Variants in WDR25 observed in about 807,000 individuals in gnomAD.
WDR25 encodes the protein WD repeat-containing protein 25.
Under a neutral mutation model 47.7 loss-of-function variants are expected in WDR25, and 35 were observed. The observed-to-expected ratio is 0.73, with a 90% confidence interval of 0.56 to 0.97. The LOEUF is 0.97. Among genes scored for constraint, WDR25 ranks in the 50% least tolerant of loss-of-function variants. The pLI is 0.00. For missense variants in WDR25, 634 were observed against 704.7 expected, an observed-to-expected ratio of 0.90 and a Z score of 1.14; for synonymous variants, 248 against 278.9, an observed-to-expected ratio of 0.89 and a Z score of 1.10.
chr14:100,458,365 G>A (rs1261021037), intron 2 of WDR25, among the ~76,000 whole-genome samples: 1 of 152,012 alleles, frequency 6.6e-6, no homozygotes, highest in Admixed American at 6.5e-5. Flanking sequence ...AACATTAGGT[G>A]CATAAATATT....
rs767972981 is a variant in WDR25, at chr14:100,468,167, A to C, written c.969A>C (p.Thr323=). 1 of 1,611,024 alleles carries C rather than the reference A, an allele frequency of 6.2e-7. No individual in the cohort carries two copies. Among genetic ancestry groups the C allele is most frequent in the Non-Finnish European group, 8.5e-7 (1 of 1,178,676 alleles). ...CGCTGCACCTAACAGACCTTGAAACAGGTGCGTTTCTTGTGTCACCTCCCT... is the reference window on the plus strand; with the variant it reads ...CGCTGCACCTAACAGACCTTGAAACCGGTGCGTTTCTTGTGTCACCTCCCT... ...DFALHLTDLE[T]GTQLFSGRSD... Residue 323 remains threonine, a splice_region_variant and synonymous_variant, in exon 3 of 7, where the codon ACA becomes ACC. Transcript: ENST00000402312. This position sits in a 1 kb window ranked among gnomAD's most constrained non-coding sequence, Gnocchi z 4.5.
rs751625327 is a variant in WDR25, at chr14:100,381,673, A to G, written c.749A>G (p.Asn250Ser). The G allele has an allele frequency of 3.1e-6, 5 of 1,614,210 alleles. No homozygotes were observed. In the Admixed American group the frequency reaches 8.3e-5, roughly 27 times the overall value. ...FHLRGHRGPV[N>S]TIQWCPVLSK... ...CTGAGAGGCCACAGGGGCCCTGTCAACACCATTCAGTGGTGTCCAGTCCTT... is the reference window on the plus strand; with the variant it reads ...CTGAGAGGCCACAGGGGCCCTGTCAGCACCATTCAGTGGTGTCCAGTCCTT... Residue 250 changes from asparagine to serine, a missense_variant, in exon 2 of 7, where the codon AAC becomes AGC. Asn to Ser is a conservative substitution (Grantham distance 46). Transcript: ENST00000402312.
intron 2 of WDR25, among the ~76,000 whole-genome samples, chr14:100,401,762 C>T (rs1377966658): frequency 6.6e-6 from 1 of 152,202 alleles, no homozygotes; most frequent in Non-Finnish European, 1.5e-5. Context: ...GACACTTCAT[C>T]CCCTGGAACT....
chr14:100,480,511 T>G (rs1900164289), intron 3 of WDR25, among the ~76,000 whole-genome samples: 1 of 152,234 alleles, frequency 6.6e-6, no homozygotes, highest in South Asian at 2.1e-4. Context: ...ATGGCAAATG[T>G]GATGCTTGAA....
chr14:100,419,137 G>A (rs573816946), intron 2 of WDR25, among the ~76,000 whole-genome samples: 169 of 150,682 alleles, frequency 1.1e-3, no homozygotes, highest in Middle Eastern at 3.4e-3. Flanking sequence ...CAGGACAATT[G>A]CTTGAACTCT....
chr14:100,418,193 C>A (rs989166915), intron 2 of WDR25, among the ~76,000 whole-genome samples: 1 of 151,516 alleles, frequency 6.6e-6, no homozygotes, highest in African/African-American at 2.4e-5. Context: ...ACACCCCCCA[C>A]TCAGCCTCCC....
chr14:100,483,111 G>A (rs536754697), intron 3 of WDR25, among the ~76,000 whole-genome samples: 1 of 152,328 alleles, frequency 6.6e-6, no homozygotes, highest in South Asian at 2.1e-4. Context: ...TGGATGAGGT[G>A]TGGACAGACA....
intron 1 of WDR25, among the ~76,000 whole-genome samples, chr14:100,377,413 C>T (rs1206523157): frequency 1.3e-5 from 2 of 152,160 alleles, no homozygotes; most frequent in East Asian, 3.8e-4. Flanking sequence ...AATTCTGCGG[C>T]CTCAGCCTCC....
At chr14:100,382,608 A>G (rs920829289) in intron 2 of WDR25, among the ~76,000 whole-genome samples, 3 of 152,218 alleles carry the variant, frequency 2.0e-5, no homozygotes, top group African/African-American at 7.2e-5. Flanking sequence ...ACAGTGTGAT[A>G]GGTCGTTGTG....
chr14:100,427,700 G>A (rs1308233751), intron 2 of WDR25, among the ~76,000 whole-genome samples: 3 of 152,266 alleles, frequency 2.0e-5, no homozygotes, highest in Non-Finnish European at 4.4e-5. Context: ...AATAGAGCTT[G>A]TTTTAAGGTA....
intron 2 of WDR25, among the ~76,000 whole-genome samples, chr14:100,383,099 G>C (rs1896942588): frequency 1.3e-5 from 2 of 152,212 alleles, no homozygotes; most frequent in Non-Finnish European, 2.9e-5. Context: ...AGATGTCTTT[G>C]AAATGAGCTG....
intron 2 of WDR25, 78 bp downstream of exon 2, chr14:100,381,824 G>T (rs1595484654): frequency 1.6e-6 from 2 of 1,244,652 alleles, no homozygotes; most frequent in South Asian, 1.5e-5. Context: ...GTGGAGGGAG[G>T]TTACAGGCTG....
rs557678894 is a variant in WDR25 at position 100,501,798 on chromosome 14, A to G, written c.1101+17674A>G. On this transcript the variant is annotated intron_variant, in intron 4 of 6. Transcript: ENST00000402312. ...CTCAGCCCTTCCTGATGGATGGAGA[A>G]CTTGAGGACCAGAGAATGGGGGCAC... is the stretch of plus-strand genomic sequence containing the variant. 1.6e-3 allele frequency among the ~76,000 whole-genome samples: 240 copies of G among 152,286 alleles called. 2 individuals carry two copies. Among genetic ancestry groups the G allele is most frequent in the African/African-American group, 5.6e-3 (231 of 41,576 alleles).
intron 2 of WDR25, among the ~76,000 whole-genome samples, chr14:100,445,273 T>C (rs1395214542): frequency 6.6e-6 from 1 of 152,246 alleles, no homozygotes; most frequent in Non-Finnish European, 1.5e-5. Flanking sequence ...TCATTAAAAA[T>C]CATGCAAATA....
chr14:100,379,704 TC>T (rs1374900899), intron 1 of WDR25, among the ~76,000 whole-genome samples: 1 of 151,540 alleles, frequency 6.6e-6, no homozygotes, highest in Non-Finnish European at 1.5e-5. Flanking sequence ...TTCTTTTATG[TC>T]CTTCAATAAA....
intron 4 of WDR25, among the ~76,000 whole-genome samples, chr14:100,520,241 G>A (rs993123377): frequency 1.3e-5 from 2 of 151,698 alleles, no homozygotes; most frequent in African/African-American, 4.8e-5. Flanking sequence ...TTCTTGTGGA[G>A]ACAAAATATA....
intron 2 of WDR25, among the ~76,000 whole-genome samples, chr14:100,461,573 A>G (rs565159133): frequency 6.6e-6 from 1 of 152,360 alleles, no homozygotes; most frequent in African/African-American, 2.4e-5. Flanking sequence ...TTTTAGAATC[A>G]GTGCAACTCC....
At chr14:100,486,947 G>C (rs1045604708) in intron 4 of WDR25, among the ~76,000 whole-genome samples, 9 of 152,118 alleles carry the variant, frequency 5.9e-5, no homozygotes, top group African/African-American at 1.4e-4. Flanking sequence ...AGCAGCCAAA[G>C]GTAAACATTA....
At chr14:100,382,711 T>A (rs1376566477) in intron 2 of WDR25, among the ~76,000 whole-genome samples, 1 of 152,104 alleles carries the variant, frequency 6.6e-6, no homozygotes, top group Non-Finnish European at 1.5e-5. Context: ...ATGTAGCGGG[T>A]GCCAACTAAA....
Sources: allele counts gnomAD v4.1 joint callset (sites outside exome capture counted in the v4.1 genomes callset), GRCh38; gene constraint gnomAD v4.1.1; non-coding constraint Gnocchi (gnomAD v3.1); transcripts MANE v1.5; gene names NCBI Gene and HGNC (gene_info 2026-07-23, HGNC 2026-07-21).